The following BTRC variants were observed in gnomAD, a reference collection of about 807,000 sequenced individuals.
The protein encoded by BTRC is F-box/WD repeat-containing protein 1A.
Under a neutral mutation model 85.5 loss-of-function variants are expected in BTRC, and 42 were observed. The observed-to-expected ratio is 0.49, with a 90% CI of 0.38 to 0.64. The LOEUF (loss-of-function observed/expected upper bound fraction) is 0.64. Ranked by LOEUF, BTRC falls within the 30% of genes least tolerant of loss-of-function variation. BTRC has a pLI of 0.00. For synonymous variants in BTRC, 255 were observed against 263.3 expected, an observed-to-expected ratio of 0.97 and a Z score of 0.30; for missense variants, 594 against 743.5, an observed-to-expected ratio of 0.80 and a Z score of 2.34.
intron 1 of BTRC, among the ~76,000 whole-genome samples, chr10:101,413,138 T>C (rs1363102753): frequency 6.6e-6 from 1 of 152,054 alleles, no homozygotes; most frequent in Non-Finnish European, 1.5e-5. Flanking sequence ...TTTGGGTTTG[T>C]TTTTGAGATG....
At chr10:101,545,927 A>G (rs1204104831) in intron 13 of BTRC, among the ~76,000 whole-genome samples, 1 of 152,208 alleles carries the variant, frequency 6.6e-6, no homozygotes, top group Non-Finnish European at 1.5e-5. Flanking sequence ...AGACCTAACA[A>G]TCCTTAATGT....
chr10:101,461,212 G>A (rs1408267870), intron 2 of BTRC, among the ~76,000 whole-genome samples: 2 of 152,226 alleles, frequency 1.3e-5, no homozygotes, highest in South Asian at 2.1e-4. Flanking sequence ...CAACTGCAGG[G>A]TTTTAAATAT....
chr10:101,366,893 T>TACAA (rs1249464990), intron 1 of BTRC, among the ~76,000 whole-genome samples: 3 of 42,734 alleles, frequency 7.0e-5, no homozygotes, highest in African/African-American at 2.3e-4. Flanking sequence ...TATATTTATA[T>TACAA]ATATTTATAT....
chr10:101,516,805 A>G (rs1266544711), intron 4 of BTRC, among the ~76,000 whole-genome samples: 1 of 152,222 alleles, frequency 6.6e-6, no homozygotes, highest in Non-Finnish European at 1.5e-5. Context: ...TATAAGTGGA[A>G]TAATTTCATT....
intron 1 of BTRC, among the ~76,000 whole-genome samples, chr10:101,381,962 CTTTTTTTTTTTTTTTTTT>C (rs71016314): frequency 4.1e-4 from 20 of 49,160 alleles, no homozygotes; most frequent in South Asian, 2.2e-3. Flanking sequence ...CTAAGAATGT[CTTTTTTTTTTTTTTTTTT>C]TTTTTTTTTT....
intron 13 of BTRC, among the ~76,000 whole-genome samples, chr10:101,548,726 TG>T (rs1275877613): frequency 6.6e-6 from 1 of 151,452 alleles, no homozygotes; most frequent in African/African-American, 2.4e-5. Flanking sequence ...CACTCCAGCC[TG>T]AGCGACAGAG....
chr10:101,409,404 T>C (rs1943716025), intron 1 of BTRC, among the ~76,000 whole-genome samples: 1 of 152,232 alleles, frequency 6.6e-6, no homozygotes, highest in African/African-American at 2.4e-5. Flanking sequence ...ATTAGTAGTT[T>C]ATTTTTATGG....
chr10:101,427,547 C>G (rs1300999328), intron 1 of BTRC, among the ~76,000 whole-genome samples: 1 of 141,508 alleles, frequency 7.1e-6, no homozygotes, highest in Non-Finnish European at 1.5e-5. Context: ...TTCTTTCTTT[C>G]CACAGGGTCT....
chr10:101,360,260 G>T (rs898370380), intron 1 of BTRC, among the ~76,000 whole-genome samples: 1 of 151,814 alleles, frequency 6.6e-6, no homozygotes, highest in African/African-American at 2.4e-5. Flanking sequence ...TCACCGTGTT[G>T]CCCGGGCTGG....
intron 1 of BTRC, among the ~76,000 whole-genome samples, chr10:101,419,675 G>A (rs1236237948): frequency 3.3e-5 from 5 of 152,132 alleles, no homozygotes; most frequent in Admixed American, 6.6e-5. Flanking sequence ...TAGGAAAATG[G>A]CATCACATCA....
chr10:101,471,647 A>G (rs958919843), intron 3 of BTRC, among the ~76,000 whole-genome samples: 4 of 152,200 alleles, frequency 2.6e-5, no homozygotes, highest in African/African-American at 9.7e-5. Context: ...GCACTTGTGT[A>G]TAATCCTGGT....
At chr10:101,433,315 G>C (rs1944448167) in intron 2 of BTRC, among the ~76,000 whole-genome samples, 2 of 152,130 alleles carry the variant, frequency 1.3e-5, no homozygotes, top group South Asian at 4.1e-4. Flanking sequence ...AATTCTGAAA[G>C]TGTAATCTCC....
chr10:101,497,122 C>CTTTT, intron 4 of BTRC, among the ~76,000 whole-genome samples: 1 of 152,080 alleles, frequency 6.6e-6, no homozygotes, highest in African/African-American at 2.4e-5. Flanking sequence ...CTTTGTTTTC[C>CTTTT]AGTGTGATAC....
chr10:101,506,213 G>A (rs1440667364), intron 4 of BTRC, among the ~76,000 whole-genome samples: 2 of 152,112 alleles, frequency 1.3e-5, no homozygotes, highest in Non-Finnish European at 2.9e-5. Flanking sequence ...TGTAGTTTTC[G>A]CGCCTGGCTA....
chr10:101,538,345 G>A lies in BTRC; in HGVS notation c.1630G>A (p.Gly544Arg), dbSNP rs760088185. Reference protein sequence around the residue: ...VAALDPRAPAGTLCLRTLVEH... With the variant: ...VAALDPRAPARTLCLRTLVEH... ...TGCTTTGGACCCCCGTGCTCCTGCA[G>A]GGACACTCTGTCTACGGACCCTTGT... The change falls in exon 13 of 15, where the codon GGG becomes AGG. Residue 544 changes from glycine (G) to arginine (R), a missense_variant. Physicochemically the swap from Gly to Arg is moderately radical, Grantham distance 125. Transcript: ENST00000370187. 2.5e-6 allele frequency: 4 copies of A among 1,614,030 alleles called. No homozygotes were observed. In the East Asian group the frequency reaches 8.9e-5, roughly 36 times the overall value.
chr10:101,378,885 G>C (rs1333862599), intron 1 of BTRC, among the ~76,000 whole-genome samples: 1 of 152,072 alleles, frequency 6.6e-6, no homozygotes, highest in Non-Finnish European at 1.5e-5. Context: ...ATTGAAATGA[G>C]AAATAGGCGG....
chr10:101,460,491 T>A (rs190565376), intron 2 of BTRC, among the ~76,000 whole-genome samples: 1 of 152,222 alleles, frequency 6.6e-6, no homozygotes, highest in Non-Finnish European at 1.5e-5. Context: ...AGCATGCTTT[T>A]TCTTTAATTT....
At chr10:101,496,056 T>C (rs1219168360) in intron 4 of BTRC, among the ~76,000 whole-genome samples, 2 of 152,100 alleles carry the variant, frequency 1.3e-5, no homozygotes, top group African/African-American at 4.8e-5. Flanking sequence ...TTGAGAGTCA[T>C]TTATATTGTT....
chr10:101,402,082 G>A (rs984305481), intron 1 of BTRC, among the ~76,000 whole-genome samples: 3 of 151,966 alleles, frequency 2.0e-5, no homozygotes, highest in Non-Finnish European at 4.4e-5. Flanking sequence ...ATTTGCTTTG[G>A]GTCATTCTAG....
Sources: allele counts gnomAD v4.1 joint callset (sites outside exome capture counted in the v4.1 genomes callset), GRCh38; gene constraint gnomAD v4.1.1; transcripts MANE v1.5; gene names NCBI Gene and HGNC (gene_info 2026-07-23, HGNC 2026-07-21).